HDAC8: variants seen among roughly 807,000 people sequenced by gnomAD.
The protein encoded by HDAC8 is histone deacetylase 8.
HDAC8 carries 1 observed loss-of-function variant against 32.2 expected under a neutral mutation model. The observed-to-expected ratio is 0.03, with a 90% CI of 0.01 to 0.15. The LOEUF is 0.15. HDAC8 is among the 10% of genes least tolerant of loss of function. The pLI, the probability that HDAC8 is intolerant of heterozygous loss-of-function variation, is 1.00. For missense variants in HDAC8, 117 were observed against 300.0 expected, an observed-to-expected ratio of 0.39 and a Z score of 4.51; for synonymous variants, 108 against 113.9, an observed-to-expected ratio of 0.95 and a Z score of 0.33.
At chrX:72,370,898 A>G (rs2044856121) in intron 9 of HDAC8, among the ~76,000 whole-genome samples, 1 of 111,750 alleles carries the variant, frequency 8.9e-6, no homozygotes, top group Non-Finnish European at 1.9e-5. Context: ...GTGTCCACCC[A>G]GATTAAGGGT....
intron 7 of HDAC8, among the ~76,000 whole-genome samples, chrX:72,481,038 T>C (rs2048482388): frequency 9.1e-6 from 1 of 110,012 alleles, no homozygotes; most frequent in Admixed American, 9.7e-5. Context: ...ACCTGCACGT[T>C]CTGCACATAT....
rs138698244 is a variant in HDAC8 at position 72,395,193 on chromosome X, T to C, written c.1006-43355A>G. ...GGGTGATTATCTGCAAGTGAAAAAG[T>C]AGTTTGTACATTTTAGATTTCCTTT... On this transcript the variant is annotated intron_variant, in intron 9 of 10. Transcript: ENST00000373573. Among the ~76,000 whole-genome samples the C allele has an allele frequency of 6.8e-4, 77 of 112,561 alleles. 1 individual carries two copies. The East Asian group carries it at 0.019, about 28-fold the overall frequency.
intron 7 of HDAC8, among the ~76,000 whole-genome samples, chrX:72,470,552 A>G (rs1360214195): frequency 9.0e-6 from 1 of 111,568 alleles, no homozygotes; most frequent in Non-Finnish European, 1.9e-5. Context: ...CCTGTAGGTT[A>G]TAAGTTAAAA....
At chrX:72,523,496 C>A (rs2050042951) in intron 4 of HDAC8, among the ~76,000 whole-genome samples, 1 of 111,404 alleles carries the variant, frequency 9.0e-6, no homozygotes, top group South Asian at 3.8e-4. Context: ...TTCCTATACA[C>A]TACTTCTTTA....
chrX:72,471,401 T>C (rs1210946846), intron 7 of HDAC8, among the ~76,000 whole-genome samples: 1 of 112,420 alleles, frequency 8.9e-6, no homozygotes, highest in Non-Finnish European at 1.9e-5. Context: ...TTTAACCATT[T>C]GAGGAAGAGC....
chrX:72,506,856 T>A (rs781905033), intron 4 of HDAC8, among the ~76,000 whole-genome samples: 1 of 110,908 alleles, frequency 9.0e-6, no homozygotes, highest in South Asian at 3.9e-4. Context: ...ATCTTTTATA[T>A]TAACTTTTTT....
chrX:72,369,801 C>A (rs1430144385), intron 9 of HDAC8, among the ~76,000 whole-genome samples: 2 of 113,054 alleles, frequency 1.8e-5, no homozygotes, highest in Non-Finnish European at 3.7e-5. Flanking sequence ...TAATGATACA[C>A]ATAATGATTA....
intron 9 of HDAC8, among the ~76,000 whole-genome samples, chrX:72,442,298 AC>A (rs1365223914): frequency 9.0e-6 from 1 of 111,594 alleles, no homozygotes; most frequent in Non-Finnish European, 1.9e-5. Flanking sequence ...AGGTCGGGTT[AC>A]CCACAAAGGG....
chrX:72,557,249 C>G (rs1373232911), intron 4 of HDAC8, among the ~76,000 whole-genome samples: 1 of 111,762 alleles, frequency 8.9e-6, no homozygotes, highest in East Asian at 2.8e-4. Context: ...GCAGAATATA[C>G]ATTCTATTCA....
At chrX:72,418,379 AACAG>A (rs782543530) in intron 9 of HDAC8, among the ~76,000 whole-genome samples, 46 of 112,115 alleles carry the variant, frequency 4.1e-4, no homozygotes, top group African/African-American at 1.5e-3. Context: ...CAGAGACATG[AACAG>A]ACACTTTTCA....
chrX:72,338,525 G>A (rs1428138533), intron 10 of HDAC8, among the ~76,000 whole-genome samples: 1 of 108,005 alleles, frequency 9.3e-6, no homozygotes, highest in Non-Finnish European at 1.9e-5. Flanking sequence ...CACCACAAAG[G>A]AACAGAGAAG....
chrX:72,443,581 T>C lies in HDAC8; in HGVS notation c.1005+18423A>G, dbSNP rs1171717182. Among the ~76,000 whole-genome samples, 17 of 82,657 alleles carry C rather than the reference T, an allele frequency of 2.1e-4. No individual in the cohort carries two copies. The East Asian group carries it at 5.3e-3, about 26-fold the overall frequency. The allele number at this position is 82,657 out of a possible 115,157, so 71.8% of individuals were successfully genotyped here. A position where few individuals can be genotyped will look rare whatever the true frequency, so the allele number is the denominator to read the frequency against. On this transcript the variant is annotated intron_variant, in intron 9 of 10. Coordinates refer to ENST00000373573, the MANE Select transcript of HDAC8 (RefSeq NM_018486.3). Reference sequence around the variant, plus strand: ...AGCACTAAATGCCCACAAGAGAAAGTAGGAAAGATCCAAAATTGACACCCT... The same window carrying C: ...AGCACTAAATGCCCACAAGAGAAAGCAGGAAAGATCCAAAATTGACACCCT...
intron 10 of HDAC8, among the ~76,000 whole-genome samples, chrX:72,340,911 C>T (rs1352350821): frequency 2.7e-5 from 3 of 111,708 alleles, no homozygotes; most frequent in Non-Finnish European, 5.6e-5. Context: ...TGCCAGAGAG[C>T]TCAAGGGCCT....
intron 4 of HDAC8, among the ~76,000 whole-genome samples, chrX:72,502,319 C>T (rs887242458): frequency 8.9e-6 from 1 of 111,741 alleles, no homozygotes; most frequent in Non-Finnish European, 1.9e-5. Context: ...GACACATGCA[C>T]GTGAATGTTC....
At chrX:72,532,321 T>C (rs1556036501) in intron 4 of HDAC8, among the ~76,000 whole-genome samples, 3 of 95,343 alleles carry the variant, frequency 3.1e-5, no homozygotes, top group African/African-American at 1.2e-4. Flanking sequence ...CTCAAACTCC[T>C]GGTCTCAAGC....
At chrX:72,446,412 A>T (rs1192403462) in intron 9 of HDAC8, among the ~76,000 whole-genome samples, 16 of 110,937 alleles carry the variant, frequency 1.4e-4, no homozygotes, top group African/African-American at 5.2e-4. Flanking sequence ...GGAAATCATC[A>T]TTCTCAGTAA....
At chrX:72,373,352 A>G (rs1341258993) in intron 9 of HDAC8, among the ~76,000 whole-genome samples, 1 of 112,074 alleles carries the variant, frequency 8.9e-6, no homozygotes, top group Non-Finnish European at 1.9e-5. Flanking sequence ...CATGAAGGAA[A>G]CCTCATATCC....
intron 4 of HDAC8, among the ~76,000 whole-genome samples, chrX:72,507,125 A>G (rs2049418966): frequency 8.9e-6 from 1 of 111,738 alleles, no homozygotes; most frequent in African/African-American, 3.3e-5. Context: ...CTGAGATTAT[A>G]GGCATGAGCC....
chrX:72,384,822 C>G (rs186196677), intron 9 of HDAC8, among the ~76,000 whole-genome samples: 26 of 112,293 alleles, frequency 2.3e-4, no homozygotes, highest in Middle Eastern at 4.6e-3. Context: ...TTTCAAGAGA[C>G]AGACTGCATA....
Sources: gnomAD v4.1 joint callset for allele counts (sites outside exome capture counted in the v4.1 genomes callset) on GRCh38, gnomAD v4.1.1 for gene constraint, MANE v1.5 for transcripts, NCBI Gene and HGNC (gene_info 2026-07-23, HGNC 2026-07-21) for gene names.